Variants in NSUN2 observed in about 807,000 individuals in gnomAD.
NSUN2 encodes RNA cytosine C(5)-methyltransferase NSUN2.
A neutral mutation model predicts 92.7 loss-of-function variants in NSUN2; 63 were observed. The ratio of observed to expected loss-of-function variants is 0.68; its 90% CI spans 0.56 to 0.84. NSUN2 has a LOEUF of 0.84. Ranked by LOEUF, NSUN2 falls within the 40% of genes least tolerant of loss-of-function variation. NSUN2 has a pLI of 0.00. For missense variants in NSUN2, 989 were observed against 964.9 expected (o/e 1.02, Z -0.33); for synonymous variants, 356 against 348.3 (o/e 1.02, Z -0.25).
intron 3 of NSUN2, among the ~76,000 whole-genome samples, chr5:6,626,630 T>C (rs572858048): frequency 1.1e-4 from 16 of 152,348 alleles, no homozygotes; most frequent in African/African-American, 3.8e-4. Context: ...ATTACAGGCA[T>C]GAGCCACTGT....
At chr5:6,605,066 G>T in intron 15 of NSUN2, 1 of 683,244 alleles carries the variant, frequency 1.5e-6, no homozygotes, top group South Asian at 1.9e-5. Flanking sequence ...AAAGACACAG[G>T]CCACCAGATT....
In NSUN2 at chr5:6,633,019, C is replaced by G; in HGVS notation, c.-40G>C. 1 of 1,412,796 alleles carries G rather than the reference C, an allele frequency of 7.1e-7. No individual in the cohort carries two copies. The highest frequency in any genetic ancestry group is 9.1e-7 in the Non-Finnish European group (1 of 1,093,844). The allele number at this position is 1,412,796 out of a possible 1,614,324, so 87.5% of individuals were successfully genotyped here. ...CGCACGCAGCACGCAGAAACCGGCC[C>G]GCCACGGCCAGAACTCTAGCCCTAC... is the stretch of plus-strand genomic sequence containing the variant. On this transcript the variant is annotated 5_prime_UTR_variant, in exon 1 of 19. Transcript: ENST00000264670.
At chr5:6,623,593 T>A (rs1579376410) in intron 4 of NSUN2, among the ~76,000 whole-genome samples, 1 of 152,322 alleles carries the variant, frequency 6.6e-6, no homozygotes, top group Admixed American at 6.5e-5. Context: ...GAGGGGCAGC[T>A]CTCAAAGACA....
chr5:6,629,968 T>C (rs1419445873), intron 3 of NSUN2, among the ~76,000 whole-genome samples: 9 of 152,218 alleles, frequency 5.9e-5, no homozygotes, highest in Non-Finnish European at 1.3e-4. Context: ...CCTTTATCTA[T>C]ACATTACTCA....
At chr5:6,629,802 C>T (rs556194280) in intron 3 of NSUN2, among the ~76,000 whole-genome samples, 2 of 152,246 alleles carry the variant, frequency 1.3e-5, no homozygotes, top group African/African-American at 4.8e-5. Context: ...TGAGTTCGTT[C>T]TCAGGGGGAG....
At chr5:6,620,433 A>G in intron 6 of NSUN2, 135 bp from the exon 7 acceptor site, 1 of 631,660 alleles carries the variant, frequency 1.6e-6, no homozygotes. Flanking sequence ...AAGGTTTTCC[A>G]GAATTACGTT....
chr5:6,604,659 C>G lies in NSUN2; in HGVS notation c.1764G>C (p.Trp588Cys). The change falls in exon 16 of 19, where the codon TGG becomes TGC. Residue 588 changes from tryptophan to cysteine, a missense_variant. Coordinates refer to ENST00000264670, the MANE Select transcript of NSUN2 (RefSeq NM_017755.6). ...MKVINTGIKV[W>C]CRNNSGEEFD... ...ACTCTTCACCGCTGTTATTTCTACA[C>G]CAGACTTTGATCCCCGTGTTAATAA... 6.2e-7 allele frequency: 1 copy of G among 1,614,022 alleles called. No individual in the cohort carries two copies. Among genetic ancestry groups the G allele is most frequent in the Non-Finnish European group, 8.5e-7 (1 of 1,179,946 alleles).
chr5:6,632,494 G>A, intron 2 of NSUN2, 105 bp downstream of exon 2: 3 of 1,346,158 alleles, frequency 2.2e-6, no homozygotes, highest in South Asian at 1.3e-5. Context: ...CCGCTGAAAC[G>A]CCACGGTTCT....
intron 9 of NSUN2, among the ~76,000 whole-genome samples, chr5:6,613,979 C>T (rs1015532789): frequency 5.3e-5 from 8 of 151,718 alleles, no homozygotes; most frequent in African/African-American, 1.7e-4. Flanking sequence ...TGCCTGTAGT[C>T]CCAGCTACTC....
chr5:6,622,378 T>C (rs1055485360), intron 5 of NSUN2, among the ~76,000 whole-genome samples: 4 of 152,150 alleles, frequency 2.6e-5, no homozygotes, highest in African/African-American at 7.2e-5. Flanking sequence ...GAAAACATAA[T>C]GCTAAGGAAC....
chr5:6,630,573 T>C (rs1395535484), intron 3 of NSUN2, among the ~76,000 whole-genome samples: 3 of 152,242 alleles, frequency 2.0e-5, no homozygotes, highest in Non-Finnish European at 2.9e-5. Flanking sequence ...GTCTTGATAC[T>C]GGTTGAATAC....
At chr5:6,627,194 T>A (rs1331897737) in intron 3 of NSUN2, among the ~76,000 whole-genome samples, 1 of 152,226 alleles carries the variant, frequency 6.6e-6, no homozygotes, top group African/African-American at 2.4e-5. Flanking sequence ...CATAAGGCAA[T>A]TTTAAAAAGA....
chr5:6,623,192 G>A (rs201602950), intron 5 of NSUN2, 22 bp downstream of exon 5: 18 of 1,575,548 alleles, frequency 1.1e-5, no homozygotes, highest in Middle Eastern at 1.8e-4. Context: ...CCGCCCCCAC[G>A]TTTCTAGTTG....
intron 18 of NSUN2, among the ~76,000 whole-genome samples, chr5:6,601,577 GCCTC>G (rs1037458280): frequency 5.7e-4 from 85 of 147,922 alleles, no homozygotes; most frequent in African/African-American, 1.9e-3. Context: ...TGGCCCCTCG[GCCTC>G]CCTGCCAACC....
intron 12 of NSUN2, among the ~76,000 whole-genome samples, chr5:6,608,516 A>G (rs16877663): frequency 0.064 from 9,686 of 152,330 alleles, 372 homozygotes; most frequent in East Asian, 0.19. Context: ...AACTAAGTGA[A>G]TAAGAAACTG....
Position 6,632,911 on chromosome 5 carries a change from G to C in NSUN2, c.69C>G (p.Ala23=), listed in dbSNP as rs1329630948. The C allele has an allele frequency of 3.0e-5, 46 of 1,522,104 alleles. No homozygotes were observed. Among genetic ancestry groups the C allele is most frequent in the Non-Finnish European group, 3.9e-5 (44 of 1,141,318 alleles). 94.3% of individuals were successfully genotyped at this position (1,522,104 alleles called of 1,614,324 possible). Residue 23 remains alanine (A), a synonymous_variant, in exon 1 of 19, where the codon GCC becomes GCG. Transcript: ENST00000264670. ...QQRPEDAEDG[A]EGGGKRGEAG... Reference sequence around the variant, plus strand: ...CCTCGCCGCGCTTTCCACCACCCTCGGCGCCATCCTCCGCGTCCTCCGGCC... The same window carrying C: ...CCTCGCCGCGCTTTCCACCACCCTCCGCGCCATCCTCCGCGTCCTCCGGCC...
At chr5:6,601,887 C>G (rs964060865) in intron 18 of NSUN2, among the ~76,000 whole-genome samples, 5 of 152,294 alleles carry the variant, frequency 3.3e-5, no homozygotes, top group South Asian at 4.1e-4. Context: ...GAGCTCTGGG[C>G]AAGCCACCTA....
rs1736799490 is a variant in NSUN2 at position 6,606,902 on chromosome 5, A to C, written c.1519T>G (p.Ser507Ala). The C allele has an allele frequency of 6.3e-7, 1 of 1,576,960 alleles. No individual in the cohort carries two copies. Residue 507 changes from serine to alanine, a missense_variant, in exon 14 of 19, where the codon TCA becomes GCA. Physicochemically the swap from Ser to Ala is moderately conservative, Grantham distance 99. Around this residue, in one of 3 missense-constraint regions of NSUN2, gnomAD observed 626 missense variants for 602.3 expected, o/e 1.04. Transcript: ENST00000264670. ...AATCCAAATAACTTCATTTTCTTTG[A>C]TGGAGGAGGACTAAAAAGGGAATCA... ...KKDGVCGPPP[S>A]KKMKLFGFKE... is the part of the protein sequence containing the mutation.
At chr5:6,609,243 G>C (rs1437973504) in intron 12 of NSUN2, among the ~76,000 whole-genome samples, 1 of 152,178 alleles carries the variant, frequency 6.6e-6, no homozygotes, top group Non-Finnish European at 1.5e-5. Context: ...GCGTGATACA[G>C]GTGAGACAGC....
Sources: gnomAD v4.1 joint callset for allele counts (sites outside exome capture counted in the v4.1 genomes callset) on GRCh38, gnomAD v4.1.1 for gene constraint, gnomAD v4.1.1 regional missense constraint, MANE v1.5 for transcripts, NCBI Gene and HGNC (gene_info 2026-07-23, HGNC 2026-07-21) for gene names.